The following IMPG1 variants were observed in gnomAD, a reference collection of about 807,000 sequenced individuals.
IMPG1 encodes the protein interphotoreceptor matrix proteoglycan of 150 kDa.
Under a neutral mutation model 92.0 loss-of-function variants are expected in IMPG1, and 85 were observed. The observed-to-expected ratio is 0.92, with a 90% CI of 0.78 to 1.11. The LOEUF (loss-of-function observed/expected upper bound fraction) is 1.11. Ranked by LOEUF, IMPG1 falls within the 50% of genes least tolerant of loss-of-function variation. The probability of loss-of-function intolerance (pLI) is 0.00; values close to 1 mark genes in which losing one functional copy is unlikely to be tolerated. For missense variants in IMPG1, 1,022 were observed against 956.0 expected (o/e 1.07, Z -0.91); for synonymous variants, 367 against 334.1 (o/e 1.10, Z -1.08).
At chr6:75,977,235 T>G (rs761549876) in intron 12 of IMPG1, among the ~76,000 whole-genome samples, 6 of 152,228 alleles carry the variant, frequency 3.9e-5, no homozygotes, top group Non-Finnish European at 7.3e-5. Flanking sequence ...ATTGCTTTAA[T>G]TAATCTTTTC....
At chr6:75,981,722 T>C (rs1361480839) in intron 12 of IMPG1, among the ~76,000 whole-genome samples, 1 of 152,230 alleles carries the variant, frequency 6.6e-6, no homozygotes, top group Non-Finnish European at 1.5e-5. Flanking sequence ...AAATACATGT[T>C]TTGAAGATGT....
intron 13 of IMPG1, 109 bp from the exon 14 acceptor site, chr6:75,947,642 T>A: frequency 1.3e-6 from 1 of 770,616 alleles, no homozygotes; most frequent in Non-Finnish European, 2.1e-6. Flanking sequence ...TTAGTTCCTT[T>A]TTATTATTTT....
chr6:76,013,817 C>T (rs181386306), intron 7 of IMPG1, among the ~76,000 whole-genome samples: 3 of 152,304 alleles, frequency 2.0e-5, no homozygotes, highest in East Asian at 1.9e-4. Flanking sequence ...TTACATTGTT[C>T]GTGTGAAGGA....
At chr6:75,949,632 G>C (rs535912021) in intron 13 of IMPG1, among the ~76,000 whole-genome samples, 1 of 152,088 alleles carries the variant, frequency 6.6e-6, no homozygotes, top group Non-Finnish European at 1.5e-5. Context: ...TGAGATCCAA[G>C]AACCCTCTCT....
At chr6:76,056,093 T>C (rs545442948) in intron 1 of IMPG1, among the ~76,000 whole-genome samples, 121 of 151,560 alleles carry the variant, frequency 8.0e-4, no homozygotes, top group Non-Finnish European at 1.4e-3. Context: ...GAAAAAAAAA[T>C]AGTAGCATAT....
intron 2 of IMPG1, among the ~76,000 whole-genome samples, chr6:76,040,639 C>T (rs1204414870): frequency 6.6e-6 from 1 of 152,158 alleles, no homozygotes. Flanking sequence ...AGTGAGAGTC[C>T]TCTTTCAGAC....
At chr6:75,960,083 G>A (rs921912375) in intron 12 of IMPG1, among the ~76,000 whole-genome samples, 1 of 152,152 alleles carries the variant, frequency 6.6e-6, no homozygotes, top group East Asian at 1.9e-4. Flanking sequence ...GTTCCTCACG[G>A]CACAGTCTCT....
intron 8 of IMPG1, among the ~76,000 whole-genome samples, chr6:76,009,292 T>C (rs959234447): frequency 6.6e-6 from 1 of 152,178 alleles, no homozygotes; most frequent in Admixed American, 6.5e-5. Flanking sequence ...ATCTTCATAA[T>C]TGTGTTAATG....
intron 12 of IMPG1, among the ~76,000 whole-genome samples, chr6:75,983,400 A>G (rs1277855585): frequency 6.6e-6 from 1 of 152,166 alleles, no homozygotes; most frequent in African/African-American, 2.4e-5. Context: ...GGAATAGAAT[A>G]GAGAGCCCAG....
intron 1 of IMPG1, among the ~76,000 whole-genome samples, chr6:76,046,542 T>C (rs1562382621): frequency 1.3e-5 from 2 of 152,172 alleles, no homozygotes; most frequent in Non-Finnish European, 2.9e-5. Flanking sequence ...AAAAAGGTAG[T>C]AGCAGCACAA....
At chr6:75,936,359 ATGTT>A (rs903112758) in intron 14 of IMPG1, among the ~76,000 whole-genome samples, 4 of 152,170 alleles carry the variant, frequency 2.6e-5, no homozygotes, top group African/African-American at 9.7e-5. Flanking sequence ...TAAAATATAT[ATGTT>A]TAAGTTTTTG....
At chr6:75,962,339 C>T (rs1466537073) in intron 12 of IMPG1, among the ~76,000 whole-genome samples, 1 of 152,046 alleles carries the variant, frequency 6.6e-6, no homozygotes, top group African/African-American at 2.4e-5. Context: ...GTTACCCAGG[C>T]TGGTCTCAAA....
chr6:75,938,850 A>AC lies in IMPG1; in HGVS notation c.2045-7700_2045-7699insG, dbSNP rs752827673. Reference sequence around the variant, plus strand: ...ACAAAACAAAACAAAACAAAACAAAAAAATACTATACTGACCAAGACAGCC... The same window carrying AC: ...ACAAAACAAAACAAAACAAAACAAAACAAATACTATACTGACCAAGACAGCC... On this transcript the variant is annotated intron_variant, in intron 14 of 16. Coordinates refer to ENST00000369950, the MANE Select transcript of IMPG1 (RefSeq NM_001563.4). Among the ~76,000 whole-genome samples, 1,107 of 150,244 alleles carry AC rather than the reference A, an allele frequency of 7.4e-3. 9 individuals carry two copies. Among genetic ancestry groups the AC allele is most frequent in the African/African-American group, 0.025 (1,006 of 40,260 alleles).
chr6:76,023,052 G>T (rs1315472808), intron 5 of IMPG1, among the ~76,000 whole-genome samples: 3 of 152,166 alleles, frequency 2.0e-5, no homozygotes, highest in Non-Finnish European at 2.9e-5. Flanking sequence ...GTCACAAGTG[G>T]TTACTTGTCA....
At chr6:76,035,499 CAAAAAAAAAAAA>C (rs34929063) in intron 2 of IMPG1, among the ~76,000 whole-genome samples, 1 of 62,170 alleles carries the variant, frequency 1.6e-5, no homozygotes, top group Non-Finnish European at 3.0e-5. Context: ...AACTCCGTCT[CAAAAAAAAAAAA>C]AAAAAAAAAA....
intron 16 of IMPG1, among the ~76,000 whole-genome samples, chr6:75,923,179 C>A (rs943666673): frequency 2.0e-5 from 3 of 152,034 alleles, no homozygotes. Flanking sequence ...TGAAAAACAT[C>A]TGAAGATGAA....
chr6:76,024,543 T>C (rs1342751619), intron 5 of IMPG1, among the ~76,000 whole-genome samples: 1 of 152,176 alleles, frequency 6.6e-6, no homozygotes, highest in East Asian at 1.9e-4. Context: ...AGTGCTGCAA[T>C]GAGACAGGTT....
chr6:76,032,040 T>G (rs1783661239), intron 4 of IMPG1, among the ~76,000 whole-genome samples: 1 of 152,248 alleles, frequency 6.6e-6, no homozygotes, highest in Non-Finnish European at 1.5e-5. Flanking sequence ...TTTTGTCTTC[T>G]TGGAAAGGTT....
intron 14 of IMPG1, among the ~76,000 whole-genome samples, chr6:75,939,355 C>G (rs13207399): frequency 0.35 from 52,675 of 151,978 alleles, 9,324 homozygotes; most frequent in East Asian, 0.45. Context: ...CCTGCTCCCC[C>G]CCACCCCACA....
Sources: gnomAD v4.1 joint callset for allele counts (sites outside exome capture counted in the v4.1 genomes callset) on GRCh38, gnomAD v4.1.1 for gene constraint, MANE v1.5 for transcripts, NCBI Gene and HGNC (gene_info 2026-07-23, HGNC 2026-07-21) for gene names.